Variants in ATXN10 observed in about 807,000 individuals in gnomAD.
ATXN10 encodes the protein ataxin-10.
ATXN10 carries 28 observed loss-of-function variants against 52.9 expected under a neutral mutation model. The ratio of observed to expected loss-of-function variants is 0.53; its 90% CI spans 0.39 to 0.73. ATXN10 has a LOEUF of 0.73. ATXN10 is among the 30% of genes least tolerant of loss of function. The probability of loss-of-function intolerance (pLI) is 0.00; values close to 1 mark genes in which losing one functional copy is unlikely to be tolerated. For missense variants in ATXN10, 565 were observed against 577.0 expected, an observed-to-expected ratio of 0.98 and a Z score of 0.21; for synonymous variants, 226 against 221.5, an observed-to-expected ratio of 1.02 and a Z score of -0.18.
intron 5 of ATXN10, among the ~76,000 whole-genome samples, chr22:45,713,951 C>G (rs952942845): frequency 6.6e-6 from 1 of 152,146 alleles, no homozygotes; most frequent in Middle Eastern, 3.2e-3. Context: ...CCATGAATAG[C>G]CTTGGTTGCA....
In ATXN10 at chr22:45,787,636, T is replaced by C. The variant is rs58633313; in HGVS notation, c.1174-19323T>C. 0.079 allele frequency among the ~76,000 whole-genome samples: 12,017 copies of C among 152,230 alleles called. 611 individuals are homozygous for C. Among genetic ancestry groups the C allele is most frequent in the African/African-American group, 0.14 (5,704 of 41,524 alleles). On this transcript the variant is annotated intron_variant, in intron 9 of 11. Coordinates refer to ENST00000252934, the MANE Select transcript of ATXN10 (RefSeq NM_013236.4). This position sits in a 1 kb window ranked among gnomAD's most constrained non-coding sequence, Gnocchi z 4.2. ...TCCCATATCCCAGCTTTGGACAGAA[T>C]AGTCAGTTGGAATTAAAATAATTTA...
intron 6 of ATXN10, among the ~76,000 whole-genome samples, chr22:45,720,730 GTTTA>G: frequency 6.6e-6 from 1 of 152,304 alleles, no homozygotes; most frequent in South Asian, 2.1e-4. Context: ...CTTGTGCACT[GTTTA>G]TTTCCTACTG....
intron 10 of ATXN10, among the ~76,000 whole-genome samples, chr22:45,815,382 C>T (rs1273514676): frequency 6.6e-6 from 1 of 152,068 alleles, no homozygotes; most frequent in East Asian, 1.9e-4. Flanking sequence ...TTTCAGTCTT[C>T]CTGTGGTGGG....
intron 9 of ATXN10, among the ~76,000 whole-genome samples, chr22:45,748,738 C>A (rs1370509092): frequency 6.6e-6 from 1 of 152,208 alleles, no homozygotes. Context: ...TAGGCAAGAT[C>A]TGGCTTGCTT....
At chr22:45,761,420 G>A (rs539853139) in intron 9 of ATXN10, among the ~76,000 whole-genome samples, 1 of 152,320 alleles carries the variant, frequency 6.6e-6, no homozygotes, top group South Asian at 2.1e-4. Context: ...TTTTAGGGAT[G>A]AACAAATGAA....
intron 9 of ATXN10, among the ~76,000 whole-genome samples, chr22:45,779,421 A>G (rs1927069579): frequency 6.6e-6 from 1 of 152,202 alleles, no homozygotes; most frequent in Non-Finnish European, 1.5e-5. Flanking sequence ...CAGAAGACTA[A>G]AGACGGACTG....
Position 45,671,866 on chromosome 22 carries a change from G to C in ATXN10, c.-198G>C. On this transcript the variant is annotated 5_prime_UTR_variant, in exon 1 of 12. Transcript: ENST00000252934. ...CCTCCTCCCGCCTGAGGCGAGTCTGGGCTCAGCCTAGAGCTCTCCGGCGGC... is the reference window on the plus strand; with the variant it reads ...CCTCCTCCCGCCTGAGGCGAGTCTGCGCTCAGCCTAGAGCTCTCCGGCGGC... 2.0e-6 allele frequency: 1 copy of C among 510,822 alleles called. No homozygotes were observed. The highest frequency in any genetic ancestry group is 3.3e-6 in the Non-Finnish European group (1 of 303,082). The allele number at this position is 510,822 out of a possible 1,614,324, so 31.6% of individuals were successfully genotyped here.
rs1160007450 is a variant in ATXN10, at chr22:45,762,035, C to G, written c.1173+21497C>G. Among the ~76,000 whole-genome samples, 1 of 152,128 alleles carries G rather than the reference C, an allele frequency of 6.6e-6. No homozygotes were observed. Among genetic ancestry groups the G allele is most frequent in the African/African-American group, 2.4e-5 (1 of 41,440 alleles). On this transcript the variant is annotated intron_variant, in intron 9 of 11. Transcript: ENST00000252934. The surrounding 1 kb of genome is among the most constrained non-coding windows in gnomAD (Gnocchi z 4.3). ...AGGTTTTCTGATTTTTAAAAACTTC[C>G]TATTTAGTCATATGTTTTTACTTCA...
rs188363617 is a variant in ATXN10, at chr22:45,760,707, T to A, written c.1173+20169T>A. 48 of 153,782 alleles carry A rather than the reference T, an allele frequency of 3.1e-4. No individual in the cohort carries two copies. In the South Asian group the frequency reaches 3.5e-3, roughly 11 times the overall value. 9.5% of individuals were successfully genotyped at this position (153,782 alleles called of 1,614,324 possible). On this transcript the variant is annotated intron_variant, in intron 9 of 11. Transcript: ENST00000252934. Reference sequence around the variant, plus strand: ...TCATTTAATGATGATACCTCTCCCATGTTGCAGATGAGGAGACTGAGGGCC... The same window carrying A: ...TCATTTAATGATGATACCTCTCCCAAGTTGCAGATGAGGAGACTGAGGGCC...
chr22:45,756,538 C>T lies in ATXN10; in HGVS notation c.1173+16000C>T, dbSNP rs143298301. Among the ~76,000 whole-genome samples the T allele has an allele frequency of 4.9e-3, 744 of 152,316 alleles. 7 individuals are homozygous for T. The highest frequency in any genetic ancestry group is 7.8e-3 in the Non-Finnish European group (531 of 68,034). On this transcript the variant is annotated intron_variant, in intron 9 of 11. Coordinates refer to ENST00000252934, the MANE Select transcript of ATXN10 (RefSeq NM_013236.4). Reference sequence around the variant, plus strand: ...TTTATTAGAGGAAATTGTGTACCAACTTTAAGCAAGAGAATATGTATGCTT... The same window carrying T: ...TTTATTAGAGGAAATTGTGTACCAATTTTAAGCAAGAGAATATGTATGCTT...
At chr22:45,814,958 G>A (rs190568130) in intron 10 of ATXN10, among the ~76,000 whole-genome samples, 9 of 152,292 alleles carry the variant, frequency 5.9e-5, no homozygotes, top group Middle Eastern at 6.8e-3. Context: ...ACCCCCATCC[G>A]TCCTGGAAAA....
At chr22:45,704,388 C>T (rs1923959356) in intron 5 of ATXN10, among the ~76,000 whole-genome samples, 1 of 150,948 alleles carries the variant, frequency 6.6e-6, no homozygotes, top group Admixed American at 6.6e-5. Flanking sequence ...TGCCATCTTA[C>T]CTAGATTAAG....
At chr22:45,829,971 T>C (rs778812854) in intron 10 of ATXN10, among the ~76,000 whole-genome samples, 1 of 152,206 alleles carries the variant, frequency 6.6e-6, no homozygotes, top group African/African-American at 2.4e-5. Flanking sequence ...TTGAAACTTA[T>C]AATAAAGCTA....
chr22:45,679,185 G>C (rs1038809462), intron 1 of ATXN10: 19 of 152,184 alleles, frequency 1.2e-4, no homozygotes, highest in Admixed American at 3.9e-4. Context: ...AGTGAGAGCA[G>C]CCCGAGGCCA....
chr22:45,761,201 A>G (rs558798507), intron 9 of ATXN10, among the ~76,000 whole-genome samples: 80 of 152,034 alleles, frequency 5.3e-4, no homozygotes, highest in African/African-American at 1.7e-3. Context: ...GCTCACTGCA[A>G]CCTCCACCTC....
At chr22:45,710,231 A>T (rs1313801673) in intron 5 of ATXN10, among the ~76,000 whole-genome samples, 1 of 151,884 alleles carries the variant, frequency 6.6e-6, no homozygotes, top group Non-Finnish European at 1.5e-5. Context: ...TACTACTTTT[A>T]CTCCTGCTCC....
chr22:45,736,994 AAGGC>A (rs1925322684), intron 7 of ATXN10, among the ~76,000 whole-genome samples: 1 of 152,238 alleles, frequency 6.6e-6, no homozygotes, highest in Non-Finnish European at 1.5e-5. Context: ...TGGATGAAGA[AAGGC>A]AGGATAAGTG....
chr22:45,785,203 G>A (rs1371608975), intron 9 of ATXN10, among the ~76,000 whole-genome samples: 1 of 152,062 alleles, frequency 6.6e-6, no homozygotes, highest in African/African-American at 2.4e-5. Flanking sequence ...CTTTCGGGAG[G>A]CTACTAAATG....
intron 2 of ATXN10, among the ~76,000 whole-genome samples, chr22:45,691,939 T>G (rs1923397450): frequency 6.6e-6 from 1 of 152,192 alleles, no homozygotes; most frequent in Non-Finnish European, 1.5e-5. Flanking sequence ...CCTTACACAC[T>G]GGTCTTGTTG....
Sources: allele counts gnomAD v4.1 joint callset (sites outside exome capture counted in the v4.1 genomes callset), GRCh38; gene constraint gnomAD v4.1.1; non-coding constraint Gnocchi (gnomAD v3.1); transcripts MANE v1.5; gene names NCBI Gene and HGNC (gene_info 2026-07-23, HGNC 2026-07-21).